IGF1R: variants seen among roughly 807,000 people sequenced by gnomAD.
IGF1R encodes the protein insulin like growth factor 1 receptor.
IGF1R carries 44 observed loss-of-function variants against 144.6 expected under a neutral mutation model. The observed-to-expected ratio is 0.30, with a 90% confidence interval of 0.24 to 0.39. IGF1R has a LOEUF of 0.39. Among genes scored for constraint, IGF1R ranks in the 10% least tolerant of loss-of-function variants. The pLI, the probability that IGF1R is intolerant of heterozygous loss-of-function variation, is 1.00. For synonymous variants in IGF1R, 795 were observed against 722.8 expected, an observed-to-expected ratio of 1.10 and a Z score of -1.60; for missense variants, 1,355 against 1,833.7, an observed-to-expected ratio of 0.74 and a Z score of 4.77.
chr15:98,949,794 G>GC (rs34488623), intron 20 of IGF1R, among the ~76,000 whole-genome samples: 1 of 152,182 alleles, frequency 6.6e-6, no homozygotes, highest in Non-Finnish European at 1.5e-5. Context: ...CCCTGGAGAA[G>GC]CCCCCCTTTT....
chr15:98,780,000 A>G (rs1354627143), intron 2 of IGF1R, among the ~76,000 whole-genome samples: 1 of 152,118 alleles, frequency 6.6e-6, no homozygotes, highest in Non-Finnish European at 1.5e-5. Flanking sequence ...CAGCTGTGGT[A>G]GTGACTTGCA....
chr15:98,906,326 TC>T (rs1340954458), intron 5 of IGF1R, among the ~76,000 whole-genome samples: 1 of 151,498 alleles, frequency 6.6e-6, no homozygotes, highest in Non-Finnish European at 1.5e-5. Context: ...GATTAATTGG[TC>T]CTTACCGGCA....
At chr15:98,956,333 G>C (rs567836045) in intron 20 of IGF1R, among the ~76,000 whole-genome samples, 1 of 152,348 alleles carries the variant, frequency 6.6e-6, no homozygotes, top group African/African-American at 2.4e-5. Flanking sequence ...TCGTGCCCAG[G>C]GCTCTCCTTG....
At chr15:98,796,606 G>A (rs748174733) in intron 2 of IGF1R, among the ~76,000 whole-genome samples, 3 of 152,188 alleles carry the variant, frequency 2.0e-5, no homozygotes, top group South Asian at 2.1e-4. Context: ...TGGTCTTTGC[G>A]TAGCTGATGG....
chr15:98,772,869 A>G (rs2055623117), intron 2 of IGF1R, among the ~76,000 whole-genome samples: 2 of 151,990 alleles, frequency 1.3e-5, no homozygotes, highest in Admixed American at 1.3e-4. Context: ...TTTGCTTTTG[A>G]TAGGGGTTGG....
intron 1 of IGF1R, among the ~76,000 whole-genome samples, chr15:98,688,383 T>C (rs2053387788): frequency 7.2e-6 from 1 of 138,226 alleles, no homozygotes; most frequent in African/African-American, 2.7e-5. Flanking sequence ...CCAACTTTCT[T>C]TCTCTCTTCG....
rs555637323 is a variant in IGF1R, at chr15:98,879,626, T to C, written c.641-11699T>C. Among the ~76,000 whole-genome samples the C allele has an allele frequency of 5.3e-5, 8 of 152,286 alleles. No homozygotes were observed. In the East Asian group the frequency reaches 1.5e-3, roughly 29 times the overall value. On this transcript the variant is annotated intron_variant, in intron 2 of 20. Coordinates refer to ENST00000650285, the MANE Select transcript of IGF1R (RefSeq NM_000875.5). Reference sequence around the variant, plus strand: ...TAGCGTTACCAAATCGTTTTTCCTTTAGAATGAATCTAGAATGCAGATAGA... The same window carrying C: ...TAGCGTTACCAAATCGTTTTTCCTTCAGAATGAATCTAGAATGCAGATAGA...
intron 2 of IGF1R, among the ~76,000 whole-genome samples, chr15:98,883,933 T>C (rs1399002645): frequency 1.3e-5 from 2 of 152,166 alleles, no homozygotes; most frequent in Non-Finnish European, 1.5e-5. Flanking sequence ...TGAAAACTCT[T>C]TGCCTTTAGG....
At chr15:98,651,184 G>A in intron 1 of IGF1R, 1 of 419,712 alleles carries the variant, frequency 2.4e-6, no homozygotes, top group East Asian at 1.6e-4. Context: ...GGCAGCGGAG[G>A]TTGTATGGCC....
At chr15:98,734,899 A>G (rs572824789) in intron 2 of IGF1R, 9 of 152,316 alleles carry the variant, frequency 5.9e-5, no homozygotes, top group Admixed American at 2.0e-4. Flanking sequence ...TCAGGTTTCT[A>G]TGCAGCCTGT....
rs2017131520 is a variant in IGF1R, at chr15:98,959,245, G to A, written c.*1803G>A. 1 of 233,514 alleles carries A rather than the reference G, an allele frequency of 4.3e-6. No homozygotes were observed. The highest frequency in any genetic ancestry group is 5.6e-5 in the Admixed American group (1 of 17,784). 14.5% of individuals were successfully genotyped at this position (233,514 alleles called of 1,614,324 possible). A position where few individuals can be genotyped will look rare whatever the true frequency, so the allele number is the denominator to read the frequency against. ...GGGTACAACAGCAGTGTTAACCGCA[G>A]ACACTAGGCATTTGGATTACTATTT... On this transcript the variant is annotated 3_prime_UTR_variant, in exon 21 of 21. Transcript: ENST00000650285.
chr15:98,893,784 A>G (rs1004917482), intron 3 of IGF1R, among the ~76,000 whole-genome samples: 1 of 152,134 alleles, frequency 6.6e-6, no homozygotes, highest in African/African-American at 2.4e-5. Flanking sequence ...TTGAGCCATT[A>G]TTTCCCCTAT....
intron 2 of IGF1R, among the ~76,000 whole-genome samples, chr15:98,752,932 AT>A (rs775327338): frequency 0.045 from 3,175 of 70,022 alleles, 64 homozygotes; most frequent in African/African-American, 0.16. Context: ...AAATCATACT[AT>A]TTTTTTTTTT....
At chr15:98,909,254 T>TTTTCTTTTTTTTTC (rs1555459634) in intron 6 of IGF1R, among the ~76,000 whole-genome samples, 1 of 118,558 alleles carries the variant, frequency 8.4e-6, no homozygotes, top group Non-Finnish European at 1.7e-5. Flanking sequence ...TTTTTTTCTT[T>TTTTCTTTTTTTTTC]TTTTTTCTTT....
At chr15:98,834,439 A>G (rs909326973) in intron 2 of IGF1R, among the ~76,000 whole-genome samples, 2 of 152,252 alleles carry the variant, frequency 1.3e-5, no homozygotes, top group African/African-American at 2.4e-5. Context: ...TTATCTCACC[A>G]AAGGGTCAGA....
Position 98,707,773 on chromosome 15 carries a change from C to A in IGF1R, c.306C>A (p.Asn102Lys), listed in dbSNP as rs1446546249. The A allele has an allele frequency of 6.2e-7, 1 of 1,614,180 alleles. No homozygotes were observed. ...GLESLGDLFP[N>K]LTVIRGWKLF... ...AGAGCCTCGGAGACCTCTTCCCCAA[C>A]CTCACGGTCATCCGCGGCTGGAAAC... The change falls in exon 2 of 21, where the codon AAC (asparagine) becomes AAA (lysine). Residue 102 changes from asparagine to lysine, a missense_variant. Asn to Lys is a moderately conservative substitution (Grantham distance 94, BLOSUM62 0). This residue lies in a region of IGF1R where 75 missense variants were observed against 160.0 expected (regional missense o/e 0.47). Transcript: ENST00000650285. This position sits in a 1 kb window ranked among gnomAD's most constrained non-coding sequence, Gnocchi z 6.7.
At chr15:98,839,425 T>C (rs1439362733) in intron 2 of IGF1R, among the ~76,000 whole-genome samples, 1 of 152,138 alleles carries the variant, frequency 6.6e-6, no homozygotes. Flanking sequence ...CAGCCACATA[T>C]ATGCTCACAC....
intron 17 of IGF1R, among the ~76,000 whole-genome samples, chr15:98,936,715 A>G (rs921413024): frequency 5.9e-5 from 9 of 151,414 alleles, no homozygotes; most frequent in Non-Finnish European, 8.8e-5. Context: ...ATATGACTTC[A>G]TGTATTTGCA....
intron 5 of IGF1R, among the ~76,000 whole-genome samples, chr15:98,907,857 G>A (rs1004813583): frequency 6.6e-6 from 1 of 152,222 alleles, no homozygotes; most frequent in African/African-American, 2.4e-5. Context: ...CTGGAACTCA[G>A]CCTCTCCTAG....
Sources: allele counts gnomAD v4.1 joint callset (sites outside exome capture counted in the v4.1 genomes callset), GRCh38; gene constraint gnomAD v4.1.1; regional missense constraint gnomAD v4.1.1; non-coding constraint Gnocchi (gnomAD v3.1); transcripts MANE v1.5; gene names NCBI Gene and HGNC (gene_info 2026-07-23, HGNC 2026-07-21).